MROH1: variants seen among roughly 807,000 people sequenced by gnomAD.
MROH1 encodes the protein maestro heat like repeat family member 1.
MROH1 carries 117 observed loss-of-function variants against 116.5 expected under a neutral mutation model. The observed-to-expected ratio is 1.00, with a 90% CI of 0.86 to 1.17. The LOEUF is 1.17. MROH1 is among the 50% of genes most tolerant of loss of function. MROH1 has a pLI of 0.00. For missense variants in MROH1, 1,873 were observed against 1,338.5 expected, an observed-to-expected ratio of 1.40 and a Z score of -6.23; for synonymous variants, 921 against 583.9, an observed-to-expected ratio of 1.58 and a Z score of -8.32.
chr8:144,241,631 A>AT, intron 22 of MROH1, 114 bp downstream of exon 22: 2 of 756,050 alleles, frequency 2.6e-6, no homozygotes, highest in Admixed American at 1.7e-5. Context: ...CCCTGGACCA[A>AT]TTTTTGCTCC....
Position 144,247,578 on chromosome 8 carries a change from G to T in MROH1, c.3019G>T (p.Asp1007Tyr). The change falls in exon 31 of 44, where the codon GAC (aspartate) becomes TAC (tyrosine). Residue 1007 changes from aspartate (D) to tyrosine (Y), a missense_variant. Asp to Tyr is a radical substitution (Grantham distance 160). Transcript: ENST00000326134. ...LQLGYEGFSR[D>Y]YRDDVAERLL... ...CTGCCGCCTCTCAGGCTTCTCCCGG[G>T]ACTACCGCGATGACGTGGCGGAGCG... is the stretch of plus-strand genomic sequence containing the variant. 1 of 774,484 alleles carries T rather than the reference G, an allele frequency of 1.3e-6. No homozygotes were observed. The highest frequency in any genetic ancestry group is 2.4e-6 in the Non-Finnish European group (1 of 417,128). The allele number at this position is 774,484 out of a possible 1,614,324, so 48.0% of individuals were successfully genotyped here. A position where few individuals can be genotyped will look rare whatever the true frequency, so the allele number is the denominator to read the frequency against.
chr8:144,240,539 C>G (rs1840797761), intron 19 of MROH1, 31 bp from the exon 20 acceptor site: 4 of 714,782 alleles, frequency 5.6e-6, no homozygotes. Context: ...GGGTCGGGCT[C>G]CCAGCCCCTC....
At chr8:144,247,802 G>T in intron 31 of MROH1, 123 bp downstream of exon 31, 1 of 693,126 alleles carries the variant, frequency 1.4e-6, no homozygotes. Flanking sequence ...CAGTGGGCAT[G>T]AGCAGGGCCT....
At chr8:144,177,295 T>C (rs1358658883) in intron 4 of MROH1, among the ~76,000 whole-genome samples, 5 of 152,316 alleles carry the variant, frequency 3.3e-5, no homozygotes, top group African/African-American at 4.8e-5. Flanking sequence ...GGCACGTGTA[T>C]GTGGGCCTGG....
At chr8:144,168,105 A>G (rs1466053839) in intron 3 of MROH1, among the ~76,000 whole-genome samples, 190 bp from the exon 4 acceptor site, 7 of 152,156 alleles carry the variant, frequency 4.6e-5, no homozygotes, top group Non-Finnish European at 1.5e-5. Context: ...CTGTCACCGC[A>G]GTGCACCTGA....
chr8:144,255,955 G>C (rs1177589808), intron 35 of MROH1, among the ~76,000 whole-genome samples: 1 of 152,246 alleles, frequency 6.6e-6, no homozygotes, highest in Admixed American at 6.5e-5. Flanking sequence ...CGGTGGTGCT[G>C]AACACAGGCA....
chr8:144,242,298 C>G (rs1473959134), intron 22 of MROH1, 71 bp from the exon 23 acceptor site: 3 of 779,180 alleles, frequency 3.9e-6, no homozygotes, highest in African/African-American at 1.7e-5. Context: ...TCAGGAGTTT[C>G]TGAGCCGAGG....
chr8:144,203,373 C>T (rs961088611), intron 12 of MROH1, among the ~76,000 whole-genome samples: 1 of 138,302 alleles, frequency 7.2e-6, no homozygotes. Flanking sequence ...GGGGAGCGCT[C>T]GCTCTGTGTG....
At chr8:144,215,921 T>C (rs1026052849) in intron 12 of MROH1, among the ~76,000 whole-genome samples, 4 of 149,292 alleles carry the variant, frequency 2.7e-5, no homozygotes, top group Non-Finnish European at 5.9e-5. Context: ...GTGCGGTGGC[T>C]CACGCCTGTA....
At chr8:144,248,100 C>T (rs1456339273) in intron 31 of MROH1, among the ~76,000 whole-genome samples, 1 of 152,214 alleles carries the variant, frequency 6.6e-6, no homozygotes, top group Non-Finnish European at 1.5e-5. Flanking sequence ...CTAGGGTCAT[C>T]GCCTGCAGGG....
intron 9 of MROH1, 122 bp downstream of exon 9, chr8:144,191,977 T>C: frequency 3.5e-6 from 4 of 1,156,666 alleles, no homozygotes; most frequent in Non-Finnish European, 2.5e-6. Flanking sequence ...AGTTCTCTGC[T>C]AAGGCTCAGT....
In MROH1 at chr8:144,241,128, T is replaced by A; in HGVS notation, c.2055+17T>A. On this transcript the variant is annotated intron_variant, in intron 21 of 43. Transcript: ENST00000326134. ...GAACGCGAGGTGGGGCCGCTTTCCC[T>A]GCAGAAGCCCCAGACACCCCAGGGC... 1.3e-6 allele frequency: 1 copy of A among 741,650 alleles called. No homozygotes were observed. 45.9% of individuals were successfully genotyped at this position (741,650 alleles called of 1,614,324 possible). A position where few individuals can be genotyped will look rare whatever the true frequency, so the allele number is the denominator to read the frequency against.
chr8:144,232,039 T>C (rs1295209625), intron 14 of MROH1, among the ~76,000 whole-genome samples: 3 of 152,250 alleles, frequency 2.0e-5, no homozygotes, highest in African/African-American at 7.2e-5. Flanking sequence ...AGAAGCATTC[T>C]AATTATTCCT....
chr8:144,246,157 G>A (rs1841895373), intron 29 of MROH1, among the ~76,000 whole-genome samples: 1 of 150,006 alleles, frequency 6.7e-6, no homozygotes, highest in African/African-American at 2.5e-5. Context: ...CACCCAGGCT[G>A]GAGTGCAGTG....
In MROH1 at chr8:144,188,829, A is replaced by G. The variant is rs986358054; in HGVS notation, c.563-1955A>G. On this transcript the variant is annotated intron_variant, in intron 7 of 43. Transcript: ENST00000326134. The stretch of plus-strand genomic sequence containing the variant: ...GAGGCTGAATAACTCGTCCCAGGCC[A>G]TACACCTGGGGAGTGGGAGAGCCAG... Among the ~76,000 whole-genome samples, 7 of 152,248 alleles carry G rather than the reference A, an allele frequency of 4.6e-5. No homozygotes were observed. In the South Asian group the frequency reaches 1.2e-3, roughly 27 times the overall value.
chr8:144,253,507 C>T (rs1487247041), intron 33 of MROH1, among the ~76,000 whole-genome samples: 1 of 152,184 alleles, frequency 6.6e-6, no homozygotes, highest in East Asian at 1.9e-4. Flanking sequence ...TCATGGGGGC[C>T]CACAGTGGCT....
intron 12 of MROH1, among the ~76,000 whole-genome samples, chr8:144,209,578 CA>C (rs11377533): frequency 9.1e-5 from 12 of 131,260 alleles, no homozygotes; most frequent in Admixed American, 1.6e-4. Flanking sequence ...GACTCCGTCT[CA>C]AAAAAAAAAA....
At chr8:144,175,505 G>T in intron 4 of MROH1, 3 of 985,450 alleles carry the variant, frequency 3.0e-6, no homozygotes, top group South Asian at 4.7e-5. Flanking sequence ...GCACTATACC[G>T]GCCGTGCTGC....
chr8:144,161,426 GAC>G (rs1174240224), intron 2 of MROH1, among the ~76,000 whole-genome samples: 4 of 152,188 alleles, frequency 2.6e-5, no homozygotes, highest in Admixed American at 2.0e-4. Flanking sequence ...TGGTATGAGA[GAC>G]TGCAGACTCC....
Sources: gnomAD v4.1 joint callset for allele counts (sites outside exome capture counted in the v4.1 genomes callset) on GRCh38, gnomAD v4.1.1 for gene constraint, MANE v1.5 for transcripts, NCBI Gene and HGNC (gene_info 2026-07-23, HGNC 2026-07-21) for gene names.